SPTSSB: variants seen among roughly 807,000 people sequenced by gnomAD.
SPTSSB encodes the protein androgen down regulated in mouse prostate.
A neutral mutation model predicts 7.7 loss-of-function variants in SPTSSB; 6 were observed. The ratio of observed to expected loss-of-function variants is 0.78; its 90% confidence interval spans 0.43 to 1.54. The LOEUF (loss-of-function observed/expected upper bound fraction) is 1.54, where lower values mean the gene tolerates loss of function less well. Ranked by LOEUF, SPTSSB falls within the 40% of genes most tolerant of loss-of-function variation. The pLI is 0.01. For synonymous variants in SPTSSB, 28 were observed against 29.7 expected (o/e 0.94, Z 0.19); for missense variants, 91 against 93.0 (o/e 0.98, Z 0.09).
At chr3:161,369,299 TTTC>T (rs1296507669) in intron 1 of SPTSSB, among the ~76,000 whole-genome samples, 4 of 64,980 alleles carry the variant, frequency 6.2e-5, no homozygotes, top group African/African-American at 2.2e-4. Flanking sequence ...TCTTTCTTTC[TTTC>T]TTTCTTTCTT....
intron 2 of SPTSSB, 47 bp downstream of exon 2, chr3:161,359,755 C>A (rs1714931258): frequency 2.0e-6 from 2 of 985,208 alleles, no homozygotes; most frequent in Admixed American, 6.2e-5. Flanking sequence ...TGAAAAGGGG[C>A]AGATTTCTCA....
chr3:161,365,947 T>C (rs1715199830), intron 1 of SPTSSB, among the ~76,000 whole-genome samples: 1 of 152,100 alleles, frequency 6.6e-6, no homozygotes, highest in Non-Finnish European at 1.5e-5. Flanking sequence ...TTTTTCCCTC[T>C]TTTTTTCAGT....
intron 1 of SPTSSB, among the ~76,000 whole-genome samples, chr3:161,369,385 CTTTTTTTTTTT>C (rs71149710): frequency 3.7e-4 from 11 of 29,660 alleles, no homozygotes; most frequent in Admixed American, 1.8e-3. Flanking sequence ...TCTTTCTTTC[CTTTTTTTTTTT>C]TTTTTTTTTT....
At chr3:161,348,778 C>T (rs1362993554) in intron 2 of SPTSSB, among the ~76,000 whole-genome samples, 1 of 152,166 alleles carries the variant, frequency 6.6e-6, no homozygotes, top group Admixed American at 6.5e-5. Context: ...CTTGAAAACA[C>T]TGATTGTCTC....
At chr3:161,366,388 AT>A (rs1166758203) in intron 1 of SPTSSB, among the ~76,000 whole-genome samples, 6 of 151,876 alleles carry the variant, frequency 4.0e-5, no homozygotes, top group Admixed American at 1.3e-4. Context: ...CTGATATACT[AT>A]TTTTTTCTGA....
intron 1 of SPTSSB, among the ~76,000 whole-genome samples, chr3:161,363,489 CTT>C (rs1560106994): frequency 6.6e-6 from 1 of 151,854 alleles, no homozygotes; most frequent in African/African-American, 2.4e-5. Flanking sequence ...AGAATAATTT[CTT>C]TGTTTATTAA....
At position 161,345,165 on chromosome 3, in the gene SPTSSB, G is replaced by T. The variant is rs1714152399; in HGVS notation, c.*928C>A. 6.6e-6 allele frequency: 1 copy of T among 152,562 alleles called. No homozygotes were observed. Among genetic ancestry groups the T allele is most frequent in the Admixed American group, 6.6e-5 (1 of 15,266 alleles). The allele number at this position is 152,562 out of a possible 1,614,324, so 9.5% of individuals were successfully genotyped here. A position where few individuals can be genotyped will look rare whatever the true frequency, so the allele number is the denominator to read the frequency against. On this transcript the variant is annotated 3_prime_UTR_variant, in exon 3 of 3. Transcript: ENST00000620149. ...ATTTAATAAATCTTGTTTTGGCTCT[G>T]CAAAGGAGCCACTATATCAAAGCAT...
At chr3:161,361,236 G>C (rs1159179504) in intron 1 of SPTSSB, among the ~76,000 whole-genome samples, 1 of 152,050 alleles carries the variant, frequency 6.6e-6, no homozygotes, top group Non-Finnish European at 1.5e-5. Flanking sequence ...TGAATCTTAG[G>C]AAAAACTTTA....
At chr3:161,370,080 G>T (rs1444082169) in intron 1 of SPTSSB, among the ~76,000 whole-genome samples, 1 of 152,036 alleles carries the variant, frequency 6.6e-6, no homozygotes, top group Non-Finnish European at 1.5e-5. Flanking sequence ...TGAATATTTT[G>T]TTTCTTTTAT....
At chr3:161,350,924 C>T (rs539637534) in intron 2 of SPTSSB, among the ~76,000 whole-genome samples, 39 of 152,232 alleles carry the variant, frequency 2.6e-4, no homozygotes, top group Admixed American at 4.6e-4. Flanking sequence ...CCTCTGTGGT[C>T]TTCTTCCCAA....
chr3:161,347,646 C>T (rs546822149), intron 2 of SPTSSB, among the ~76,000 whole-genome samples: 3 of 151,862 alleles, frequency 2.0e-5, no homozygotes, highest in South Asian at 2.1e-4. Flanking sequence ...CCAAGGCAGG[C>T]GGATCATCTG....
At chr3:161,348,781 A>G (rs1476010267) in intron 2 of SPTSSB, among the ~76,000 whole-genome samples, 1 of 152,124 alleles carries the variant, frequency 6.6e-6, no homozygotes, top group African/African-American at 2.4e-5. Context: ...GAAAACACTG[A>G]TTGTCTCTTT....
intron 1 of SPTSSB, among the ~76,000 whole-genome samples, chr3:161,369,122 C>A (rs1415738885): frequency 6.6e-6 from 1 of 152,100 alleles, no homozygotes; most frequent in African/African-American, 2.4e-5. Flanking sequence ...CTATTCTCAA[C>A]TTTTTGAGGA....
chr3:161,348,299 A>C (rs1328431899), intron 2 of SPTSSB, among the ~76,000 whole-genome samples: 1 of 95,810 alleles, frequency 1.0e-5, no homozygotes, highest in South Asian at 4.3e-4. Context: ...AAACAAAACA[A>C]AACACTCTAA....
intron 1 of SPTSSB, among the ~76,000 whole-genome samples, chr3:161,368,418 A>T (rs1715306751): frequency 1.4e-5 from 2 of 140,692 alleles, no homozygotes; most frequent in South Asian, 4.7e-4. Flanking sequence ...TTTTCTCCCT[A>T]ATCTTACCTT....
chr3:161,346,407 T>C, intron 2 of SPTSSB, 52 bp from the exon 3 acceptor site: 1 of 867,848 alleles, frequency 1.2e-6, no homozygotes, highest in South Asian at 1.6e-5. Context: ...ATAGAATCAC[T>C]TTAAAATTTC....
chr3:161,366,897 G>A (rs1029313317), intron 1 of SPTSSB, among the ~76,000 whole-genome samples: 3 of 152,136 alleles, frequency 2.0e-5, no homozygotes, highest in Admixed American at 6.5e-5. Context: ...TGGCTGGGCC[G>A]GGTGCAGTGG....
At chr3:161,362,721 A>G (rs1715060097) in intron 1 of SPTSSB, among the ~76,000 whole-genome samples, 1 of 152,050 alleles carries the variant, frequency 6.6e-6, no homozygotes, top group South Asian at 2.1e-4. Context: ...TATTTAAAGG[A>G]TTGTTAGAGG....
At chr3:161,357,354 G>A (rs1412809844) in intron 2 of SPTSSB, among the ~76,000 whole-genome samples, 4 of 152,200 alleles carry the variant, frequency 2.6e-5, no homozygotes, top group African/African-American at 9.6e-5. Flanking sequence ...ATTCTCCTGA[G>A]AATAGTGTGG....
Sources: allele counts gnomAD v4.1 joint callset (sites outside exome capture counted in the v4.1 genomes callset), GRCh38; gene constraint gnomAD v4.1.1; transcripts MANE v1.5; gene names NCBI Gene and HGNC (gene_info 2026-07-23, HGNC 2026-07-21).